Variants in ATG10 observed in about 807,000 individuals in gnomAD.
ATG10 encodes autophagy related 10.
ATG10 carries 30 observed loss-of-function variants against 32.1 expected under a neutral mutation model. The observed-to-expected ratio is 0.94, with a 90% CI of 0.70 to 1.27. The LOEUF is 1.27. Among genes scored for constraint, ATG10 ranks in the 50% most tolerant of loss-of-function variants. ATG10 has a pLI of 0.00. For missense variants in ATG10, 233 were observed against 262.3 expected, an observed-to-expected ratio of 0.89 and a Z score of 0.77; for synonymous variants, 87 against 91.5, an observed-to-expected ratio of 0.95 and a Z score of 0.28.
intron 3 of ATG10, among the ~76,000 whole-genome samples, chr5:82,128,343 G>T (rs1013835108): frequency 1.3e-5 from 2 of 151,904 alleles, no homozygotes; most frequent in Non-Finnish European, 2.9e-5. Flanking sequence ...ATGCTAGCTG[G>T]TTATTTTGCC....
intron 3 of ATG10, among the ~76,000 whole-genome samples, chr5:82,161,374 A>G (rs1271750683): frequency 6.6e-6 from 1 of 152,092 alleles, no homozygotes; most frequent in African/African-American, 2.4e-5. Context: ...CAGGATTTTC[A>G]AGAAGCTTGT....
Position 82,012,288 on chromosome 5 carries a change from T to G in ATG10, c.108+24610T>G, listed in dbSNP as rs1489208066. Among the ~76,000 whole-genome samples the G allele has an allele frequency of 5.3e-5, 8 of 152,258 alleles. No homozygotes were observed. The East Asian group carries it at 1.5e-3, about 29-fold the overall frequency. On this transcript the variant is annotated intron_variant, in intron 2 of 7. Coordinates refer to ENST00000282185, the MANE Select transcript of ATG10 (RefSeq NM_031482.5). ...CTGAAATGGTTGTTTTTAACAATTT[T>G]GTTCAGTTTCAAAGTTGTTTTTTGA...
intron 5 of ATG10, among the ~76,000 whole-genome samples, chr5:82,239,506 G>A (rs1411756453): frequency 6.6e-6 from 1 of 152,118 alleles, no homozygotes; most frequent in Non-Finnish European, 1.5e-5. Flanking sequence ...TTAGGCATGG[G>A]GTACAGTGGG....
At chr5:82,009,819 T>G (rs1037769803) in intron 2 of ATG10, 36 of 1,606,092 alleles carry the variant, frequency 2.2e-5, no homozygotes, top group Non-Finnish European at 2.7e-5. Flanking sequence ...AGGACCTGTA[T>G]GCTTTAGGAT....
At chr5:82,129,352 C>G (rs555384991) in intron 3 of ATG10, among the ~76,000 whole-genome samples, 1 of 152,114 alleles carries the variant, frequency 6.6e-6, no homozygotes, top group South Asian at 2.1e-4. Flanking sequence ...GTCAATTCAT[C>G]AAACTCATTC....
At chr5:81,974,641 G>A (rs1380231292) in intron 1 of ATG10, among the ~76,000 whole-genome samples, 2 of 152,118 alleles carry the variant, frequency 1.3e-5, no homozygotes, top group African/African-American at 2.4e-5. Context: ...GGGTCTCTAA[G>A]TTGCCCAGGC....
intron 5 of ATG10, among the ~76,000 whole-genome samples, chr5:82,223,621 C>A (rs1023549229): frequency 3.3e-5 from 5 of 152,134 alleles, no homozygotes; most frequent in African/African-American, 1.2e-4. Context: ...AAATCTATGG[C>A]ATGGTCTTCT....
intron 2 of ATG10, among the ~76,000 whole-genome samples, chr5:82,023,833 T>TA (rs1485262073): frequency 6.6e-6 from 1 of 152,248 alleles, no homozygotes; most frequent in Non-Finnish European, 1.5e-5. Context: ...GTCAAAGCCG[T>TA]AAACCTTTTC....
intron 2 of ATG10, among the ~76,000 whole-genome samples, chr5:82,046,981 GT>G (rs74617859): frequency 0.015 from 2,070 of 137,784 alleles, 21 homozygotes; most frequent in South Asian, 0.025. Flanking sequence ...GGTCATCTGT[GT>G]TTTTTTTTTT....
rs376084790 is a variant in ATG10 at position 81,979,385 on chromosome 5, G to C, written c.-13+7079G>C. Among the ~76,000 whole-genome samples the C allele has an allele frequency of 1.2e-4, 19 of 152,176 alleles. No homozygotes were observed. The East Asian group carries it at 3.1e-3, about 25-fold the overall frequency. ...TACTAAAAAATACAAAAAATTAGCT[G>C]GGCGTGGTGGCGGGCCCCTGTAGTC... On this transcript the variant is annotated intron_variant, in intron 1 of 7. Coordinates refer to ENST00000282185, the MANE Select transcript of ATG10 (RefSeq NM_031482.5).
At chr5:82,096,893 T>C (rs562835263) in intron 3 of ATG10, among the ~76,000 whole-genome samples, 88 of 152,282 alleles carry the variant, frequency 5.8e-4, no homozygotes, top group African/African-American at 2.0e-3. Flanking sequence ...ATATCTCCTG[T>C]CTTTCAATTA....
chr5:82,197,854 A>G (rs1373084853), intron 5 of ATG10, among the ~76,000 whole-genome samples: 1 of 152,106 alleles, frequency 6.6e-6, no homozygotes, highest in Non-Finnish European at 1.5e-5. Context: ...GACTTACCTC[A>G]GCTGAGTTTC....
chr5:82,119,459 AC>A (rs1017520858), intron 3 of ATG10, among the ~76,000 whole-genome samples: 6 of 151,942 alleles, frequency 3.9e-5, no homozygotes, highest in African/African-American at 1.5e-4. Flanking sequence ...AGGCTTTATT[AC>A]CATGTTTTTT....
At chr5:82,047,295 T>C (rs1198695168) in intron 2 of ATG10, among the ~76,000 whole-genome samples, 1 of 151,318 alleles carries the variant, frequency 6.6e-6, no homozygotes, top group East Asian at 1.9e-4. Context: ...AATTGAGAAC[T>C]CAAAATGGGC....
chr5:82,154,759 A>G (rs1367289144), intron 3 of ATG10, among the ~76,000 whole-genome samples: 1 of 152,266 alleles, frequency 6.6e-6, no homozygotes, highest in Non-Finnish European at 1.5e-5. Context: ...GTCCCAGCAC[A>G]AGCATAGTGC....
intron 3 of ATG10, among the ~76,000 whole-genome samples, chr5:82,084,937 A>C (rs537308039): frequency 5.9e-5 from 9 of 152,316 alleles, no homozygotes; most frequent in Admixed American, 1.3e-4. Flanking sequence ...CGAGCAAAAT[A>C]ACCAGCTAAC....
chr5:81,980,255 G>C (rs528579296), intron 1 of ATG10, among the ~76,000 whole-genome samples: 7 of 151,942 alleles, frequency 4.6e-5, no homozygotes, highest in African/African-American at 7.3e-5. Flanking sequence ...ATAATTCCTC[G>C]GTTTGATTTC....
chr5:82,181,949 T>C (rs1333172608), intron 5 of ATG10, among the ~76,000 whole-genome samples: 1 of 152,154 alleles, frequency 6.6e-6, no homozygotes, highest in African/African-American at 2.4e-5. Context: ...AGACTACCTA[T>C]TATATCAACC....
intron 3 of ATG10, among the ~76,000 whole-genome samples, chr5:82,153,576 T>C (rs940312894): frequency 1.3e-4 from 20 of 152,244 alleles, no homozygotes; most frequent in African/African-American, 2.9e-4. Flanking sequence ...GTTGTGATCA[T>C]TGAACTAAAA....
Sources: gnomAD v4.1 joint callset for allele counts (sites outside exome capture counted in the v4.1 genomes callset) on GRCh38, gnomAD v4.1.1 for gene constraint, MANE v1.5 for transcripts, NCBI Gene and HGNC (gene_info 2026-07-23, HGNC 2026-07-21) for gene names.